The following PTPN7 variants were observed in gnomAD, a reference collection of about 807,000 sequenced individuals.
PTPN7 encodes protein tyrosine phosphatase non-receptor type 7, also known as tyrosine-protein phosphatase non-receptor type 7.
Under a neutral mutation model 50.3 loss-of-function variants are expected in PTPN7, and 33 were observed. The observed-to-expected ratio is 0.66, with a 90% CI of 0.50 to 0.88. The LOEUF (loss-of-function observed/expected upper bound fraction) is 0.88. Ranked by LOEUF, PTPN7 falls within the 40% of genes least tolerant of loss-of-function variation. PTPN7 has a pLI of 0.00. For missense variants in PTPN7, 412 were observed against 475.4 expected (o/e 0.87, Z 1.24); for synonymous variants, 185 against 186.6 (o/e 0.99, Z 0.07).
In PTPN7 at chr1:202,159,594, G is replaced by A; in HGVS notation, c.-52-140C>T. On this transcript the variant is annotated intron_variant, in intron 1 of 9. Transcript: ENST00000691036. The surrounding 1 kb of genome is among the most constrained non-coding windows in gnomAD (Gnocchi z 4.6). ...AAGAGGTGGCCTCATTTTCACTAAG[G>A]GAAGGACAGGATCTATTTGGTGGGA... The A allele has an allele frequency of 1.3e-6, 2 of 1,489,884 alleles. No homozygotes were observed. Among genetic ancestry groups the A allele is most frequent in the Non-Finnish European group, 8.9e-7 (1 of 1,124,560 alleles). 92.3% of individuals were successfully genotyped at this position (1,489,884 alleles called of 1,614,324 possible).
rs1657200582 is a variant in PTPN7, at chr1:202,160,145, CA to C, written c.-53+399del. The stretch of plus-strand genomic sequence containing the variant: ...GGTGAGGCGACAGCTGGGGGCAAGA[CA>C]GGAGGCATGGAGGTGGTGGGACCAT... On this transcript the variant is annotated intron_variant, in intron 1 of 9. Transcript: ENST00000691036. The surrounding 1 kb of genome is among the most constrained non-coding windows in gnomAD (Gnocchi z 4.8). Among the ~76,000 whole-genome samples the C allele has an allele frequency of 6.6e-6, 1 of 152,062 alleles. No individual in the cohort carries two copies. Among genetic ancestry groups the C allele is most frequent in the Non-Finnish European group, 1.5e-5 (1 of 67,992 alleles).
At chr1:202,149,262 G>A (rs1213529083) in intron 9 of PTPN7, among the ~76,000 whole-genome samples, 1 of 152,110 alleles carries the variant, frequency 6.6e-6, no homozygotes, top group Non-Finnish European at 1.5e-5. Flanking sequence ...GCCCCATGTT[G>A]ACACTTGGTC....
chr1:202,160,497 G>A lies in PTPN7; in HGVS notation c.-53+48C>T, dbSNP rs558859993. 2.3e-4 allele frequency: 340 copies of A among 1,507,302 alleles called. 1 individual carries two copies. The African/African-American group carries it at 4.0e-3, about 18-fold the overall frequency. The allele number at this position is 1,507,302 out of a possible 1,614,324, so 93.4% of individuals were successfully genotyped here. A position where few individuals can be genotyped will look rare whatever the true frequency, so the allele number is the denominator to read the frequency against. On this transcript the variant is annotated intron_variant, in intron 1 of 9. Coordinates refer to ENST00000691036, the MANE Select transcript of PTPN7 (RefSeq NM_002832.4). This position sits in a 1 kb window ranked among gnomAD's most constrained non-coding sequence, Gnocchi z 4.8. Reference sequence around the variant, plus strand: ...ATGCCCTCTTATATCCCCGGAGTTCGCACCCCCCGGGGCCACAGGACTCCC... The same window carrying A: ...ATGCCCTCTTATATCCCCGGAGTTCACACCCCCCGGGGCCACAGGACTCCC...
In PTPN7 at chr1:202,159,024, G is replaced by A. The variant is rs185705873; in HGVS notation, c.122+257C>T. On this transcript the variant is annotated intron_variant, in intron 2 of 9. Transcript: ENST00000691036. The surrounding 1 kb of genome is among the most constrained non-coding windows in gnomAD (Gnocchi z 4.6). Reference sequence around the variant, plus strand: ...ACTCCCAGCCAGGCCCTGTGGCTCCGACATGCATCCAGCACCAAGAAGGCT... The same window carrying A: ...ACTCCCAGCCAGGCCCTGTGGCTCCAACATGCATCCAGCACCAAGAAGGCT... 16 of 492,900 alleles carry A rather than the reference G, an allele frequency of 3.2e-5. 1 individual carries two copies. Among genetic ancestry groups the A allele is most frequent in the African/African-American group, 1.5e-4 (8 of 52,096 alleles). 30.5% of individuals were successfully genotyped at this position (492,900 alleles called of 1,614,324 possible).
At chr1:202,153,903 G>GAGGAGATACCAGCCCCT in intron 6 of PTPN7, 68 bp from the exon 7 acceptor site, 2 of 1,310,906 alleles carry the variant, frequency 1.5e-6, no homozygotes, top group Non-Finnish European at 2.2e-6. Flanking sequence ...GCAGAGAGGG[G>GAGGAGATACCAGCCCCT]CTGGTATCTC....
chr1:202,153,998 T>C (rs1278389708), intron 6 of PTPN7, among the ~76,000 whole-genome samples, 163 bp from the exon 7 acceptor site: 1 of 152,092 alleles, frequency 6.6e-6, no homozygotes, highest in Non-Finnish European at 1.5e-5. Context: ...AGCAGAGTGC[T>C]CACCCTATCC....
chr1:202,158,786 C>CTT (rs533403948), intron 2 of PTPN7: 3,634 of 139,100 alleles, frequency 0.026, 97 homozygotes, highest in African/African-American at 0.044. Context: ...TGTGTGCCCT[C>CTT]TTTTTTTTTT....
In PTPN7 at chr1:202,148,696, C is replaced by G. The variant is rs141644207; in HGVS notation, c.993G>C (p.Gly331=). ...ACTGCTCTGCCGTCTGGATCATCCC[C>G]CCTCTGCAAGGAGAAACACACAGAC... ...GIVCQLRLDR[G]GMIQTAEQYQ... is the part of the protein sequence containing the mutation. The change falls in exon 10 of 10, where the codon GGG becomes GGC. Residue 331 remains glycine (G), a synonymous_variant. Transcript: ENST00000691036. 179 of 1,613,570 alleles carry G rather than the reference C, an allele frequency of 1.1e-4. No homozygotes were observed. In the African/African-American group the frequency reaches 2.1e-3, roughly 19 times the overall value.
At chr1:202,158,439 C>A (rs1042138781) in intron 2 of PTPN7, 138 bp from the exon 3 acceptor site, 1 of 850,406 alleles carries the variant, frequency 1.2e-6, no homozygotes, top group African/African-American at 1.7e-5. Flanking sequence ...TGGCTCACAG[C>A]AGCCTCAAAC....
chr1:202,150,283 T>C (rs772702332), intron 9 of PTPN7, 28 bp downstream of exon 9: 2 of 1,565,852 alleles, frequency 1.3e-6, no homozygotes, highest in Non-Finnish European at 8.7e-7. Context: ...GTTAACGTTG[T>C]TGGCCTTGTT....
intron 8 of PTPN7, among the ~76,000 whole-genome samples, chr1:202,152,067 G>A (rs530239372): frequency 4.0e-5 from 6 of 151,888 alleles, no homozygotes; most frequent in East Asian, 1.9e-4. Context: ...GTGCTACCAC[G>A]CCTGGCTAAT....
At chr1:202,160,795 C>A (rs1353042399), upstream of PTPN7, 3 of 1,544,376 alleles carry the variant, frequency 1.9e-6, no homozygotes, top group Non-Finnish European at 2.6e-6. The surrounding 1 kb of genome is among the most constrained non-coding windows in gnomAD (Gnocchi z 4.8). Flanking sequence ...AGGGGCCAGG[C>A]CTTCCCGACC....
At chr1:202,153,373 C>G (rs1042278620) in intron 7 of PTPN7, among the ~76,000 whole-genome samples, 1 of 152,220 alleles carries the variant, frequency 6.6e-6, no homozygotes, top group Non-Finnish European at 1.5e-5. Context: ...ATCCGCCCCC[C>G]TCAGCCTCCC....
At chr1:202,157,145 T>G (rs1656755193) in intron 4 of PTPN7, among the ~76,000 whole-genome samples, 1 of 152,212 alleles carries the variant, frequency 6.6e-6, no homozygotes, top group Admixed American at 6.5e-5. Flanking sequence ...TCTCTGTGCC[T>G]TAGTTTCCTC....
intron 6 of PTPN7, 50 bp from the exon 7 acceptor site, chr1:202,153,885 A>G: frequency 6.8e-7 from 1 of 1,464,652 alleles, no homozygotes; most frequent in Non-Finnish European, 9.6e-7. Flanking sequence ...GGAGCAGGTG[A>G]CAGGGCAGCA....
rs150139011 is a variant in PTPN7, at chr1:202,158,676, T to C, written c.123-375A>G. 454 of 189,416 alleles carry C rather than the reference T, an allele frequency of 2.4e-3. 3 individuals carry two copies. Among genetic ancestry groups the C allele is most frequent in the African/African-American group, 0.01 (435 of 42,392 alleles). 11.7% of individuals were successfully genotyped at this position (189,416 alleles called of 1,614,324 possible). On this transcript the variant is annotated intron_variant, in intron 2 of 9. Coordinates refer to ENST00000691036, the MANE Select transcript of PTPN7 (RefSeq NM_002832.4). ...GCCACTGTGCCTGACCATATTTGCT[T>C]TTCTTACAAGTATTACTGTTATAAG...
chr1:202,154,140 C>T lies in PTPN7; in HGVS notation c.606+46G>A, dbSNP rs145580780. On this transcript the variant is annotated intron_variant, in intron 6 of 9. Transcript: ENST00000691036. ...GTGTGTGGGGTGGGGGTGGGGTGGGCATAGCACTTTCTGGGTTCATCATGA... is the reference window on the plus strand; with the variant it reads ...GTGTGTGGGGTGGGGGTGGGGTGGGTATAGCACTTTCTGGGTTCATCATGA... The T allele has an allele frequency of 3.7e-4, 597 of 1,611,486 alleles. No homozygotes were observed. In the African/African-American group the frequency reaches 7.2e-3, roughly 19 times the overall value.
rs751078784 is a variant in PTPN7 at position 202,157,800 on chromosome 1, G to C, written c.330C>G (p.Ser110Arg). ...GGCCAGGGATGTCCAGGTCTTCGGGGCTGACAAAGTTTGAAGGGATCTTCT... is the reference window on the plus strand; with the variant it reads ...GGCCAGGGATGTCCAGGTCTTCGGGCCTGACAAAGTTTGAAGGGATCTTCT... The part of the protein sequence containing the change: ...EFLKIPSNFV[S>R]PEDLDIPGHA... Residue 110 changes from serine (S) to arginine (R), a missense_variant, in exon 4 of 10, where the codon AGC (serine) becomes AGG (arginine). Physicochemically the swap from Ser to Arg is moderately radical, Grantham distance 110. Coordinates refer to ENST00000691036, the MANE Select transcript of PTPN7 (RefSeq NM_002832.4). The C allele has an allele frequency of 4.3e-6, 7 of 1,614,040 alleles. No individual in the cohort carries two copies. Among genetic ancestry groups the C allele is most frequent in the Middle Eastern group, 1.6e-4 (1 of 6,084 alleles).
In PTPN7 at chr1:202,150,184, A is replaced by T; in HGVS notation, c.989+127T>A. 6.7e-6 allele frequency: 5 copies of T among 746,008 alleles called. No individual in the cohort carries two copies. In the South Asian group the frequency reaches 8.0e-5, roughly 12 times the overall value. The allele number at this position is 746,008 out of a possible 1,614,324, so 46.2% of individuals were successfully genotyped here. On this transcript the variant is annotated intron_variant, in intron 9 of 9. Transcript: ENST00000691036. ...GTTAGTTGTAAAATAAACAGCTCTA[A>T]GCAGAAAGGGTTTCTTCCTTTCTTG...
Sources: gnomAD v4.1 joint callset for allele counts (sites outside exome capture counted in the v4.1 genomes callset) on GRCh38, gnomAD v4.1.1 for gene constraint, Gnocchi (gnomAD v3.1) non-coding constraint, MANE v1.5 for transcripts, NCBI Gene and HGNC (gene_info 2026-07-23, HGNC 2026-07-21) for gene names.